Variants in PFKP observed in about 807,000 individuals in gnomAD.
PFKP encodes ATP-dependent 6-phosphofructokinase, platelet type.
Under a neutral mutation model 94.3 loss-of-function variants are expected in PFKP, and 101 were observed. That is an observed-to-expected ratio of 1.07 (90% CI 0.91 to 1.26). The LOEUF (loss-of-function observed/expected upper bound fraction) is 1.26. PFKP is among the 50% of genes most tolerant of loss of function. The probability of loss-of-function intolerance (pLI) is 0.00; values close to 1 mark genes in which losing one functional copy is unlikely to be tolerated. For synonymous variants in PFKP, 573 were observed against 432.6 expected, an observed-to-expected ratio of 1.32 and a Z score of -4.03; for missense variants, 1,145 against 1,103.3, an observed-to-expected ratio of 1.04 and a Z score of -0.53.
chr10:3,087,512 ATGTGGCCAAAATAAATCCT>A (rs1481783886), intron 2 of PFKP, among the ~76,000 whole-genome samples: 1 of 152,148 alleles, frequency 6.6e-6, no homozygotes, highest in Non-Finnish European at 1.5e-5. Flanking sequence ...TTCTGCTGAG[ATGTGGCCAAAATAAATCCT>A]TGTGTGCAAA....
chr10:3,122,988 C>T (rs929282737), intron 16 of PFKP, among the ~76,000 whole-genome samples: 6 of 152,276 alleles, frequency 3.9e-5, no homozygotes, highest in Non-Finnish European at 7.4e-5. Context: ...AAGCCCTGGG[C>T]GGGGCTGATG....
At chr10:3,091,146 G>A (rs1480240677) in intron 2 of PFKP, among the ~76,000 whole-genome samples, 1 of 152,180 alleles carries the variant, frequency 6.6e-6, no homozygotes, top group East Asian at 1.9e-4. Context: ...ATTCCAGGGA[G>A]ACTCGGGGAG....
chr10:3,110,423 A>G (rs1836074195), intron 10 of PFKP, among the ~76,000 whole-genome samples: 1 of 118,396 alleles, frequency 8.4e-6, no homozygotes, highest in Non-Finnish European at 1.6e-5. Flanking sequence ...TCACCGTGTT[A>G]GCCAGGATGG....
Position 3,133,748 on chromosome 10 carries a change from A to C in PFKP, c.2022+434A>C, listed in dbSNP as rs1451838992. 2.6e-5 allele frequency among the ~76,000 whole-genome samples: 4 copies of C among 152,328 alleles called. No individual in the cohort carries two copies. In the East Asian group the frequency reaches 7.7e-4, roughly 29 times the overall value. On this transcript the variant is annotated intron_variant, in intron 19 of 21. Coordinates refer to ENST00000381125, the MANE Select transcript of PFKP (RefSeq NM_002627.5). ...GCCCAGCCAAAACATCTGAACTTTT[A>C]AGTGATGCCAAACATCACCAGCTTT...
chr10:3,083,125 C>CT (rs1833218883), intron 2 of PFKP, among the ~76,000 whole-genome samples: 1 of 152,232 alleles, frequency 6.6e-6, no homozygotes, highest in Admixed American at 6.5e-5. Context: ...GAGGCTCTTA[C>CT]TGCTGTAGAA....
intron 10 of PFKP, 23 bp from the exon 11 acceptor site, chr10:3,112,199 T>G: frequency 6.2e-7 from 1 of 1,603,042 alleles, no homozygotes; most frequent in Non-Finnish European, 8.5e-7. Flanking sequence ...CATTCTTTCT[T>G]CTTTTCATCA....
intron 10 of PFKP, among the ~76,000 whole-genome samples, chr10:3,111,477 G>A (rs1462745716): frequency 1.1e-4 from 16 of 152,086 alleles, no homozygotes; most frequent in African/African-American, 2.7e-4. Context: ...AGAGACGACC[G>A]TGGTAGGTGT....
chr10:3,073,501 C>T (rs1380993417), intron 1 of PFKP, among the ~76,000 whole-genome samples: 4 of 151,764 alleles, frequency 2.6e-5, no homozygotes, highest in Non-Finnish European at 4.4e-5. Flanking sequence ...GGGAGGGCAC[C>T]GGTGCTGCTG....
intron 17 of PFKP, among the ~76,000 whole-genome samples, chr10:3,130,228 CAT>C (rs200075366): frequency 0.014 from 2,040 of 148,462 alleles, 19 homozygotes; most frequent in Middle Eastern, 0.025. Flanking sequence ...GTTTGTTTGA[CAT>C]AGTCTGTTGT....
At chr10:3,099,139 C>A in intron 2 of PFKP, 136 bp from the exon 3 acceptor site, 1 of 695,632 alleles carries the variant, frequency 1.4e-6, no homozygotes, top group Non-Finnish European at 2.6e-6. Flanking sequence ...AGTGCTGGAA[C>A]TGCCCTGTCT....
At chr10:3,128,183 C>T (rs548815746) in intron 16 of PFKP, among the ~76,000 whole-genome samples, 16 of 152,294 alleles carry the variant, frequency 1.1e-4, no homozygotes, top group African/African-American at 3.6e-4. Flanking sequence ...GGGGCTCGGC[C>T]GGGTGCTGCT....
chr10:3,126,883 G>A (rs943745786), intron 16 of PFKP, among the ~76,000 whole-genome samples: 1 of 152,238 alleles, frequency 6.6e-6, no homozygotes, highest in South Asian at 2.1e-4. Flanking sequence ...TCTGCTGGGG[G>A]CACATCCCAT....
chr10:3,106,066 T>G (rs12776036), intron 7 of PFKP, among the ~76,000 whole-genome samples: 31,755 of 123,286 alleles, frequency 0.26, 6,690 homozygotes, highest in East Asian at 0.47. Context: ...CTCACGCCGT[T>G]TTCTCTCTCC....
intron 2 of PFKP, among the ~76,000 whole-genome samples, 160 bp from the exon 3 acceptor site, chr10:3,099,115 C>A (rs1834747612): frequency 6.6e-6 from 1 of 152,224 alleles, no homozygotes; most frequent in Admixed American, 6.5e-5. Flanking sequence ...TCCCACAATT[C>A]ACTGCTTTTA....
In PFKP at chr10:3,116,840, C is replaced by T; in HGVS notation, c.1436C>T (p.Thr479Ile). The change falls in exon 14 of 22, where the codon ACA becomes ATA. Residue 479 changes from threonine (T) to isoleucine (I), a missense_variant. Physicochemically the swap from Thr to Ile is moderately conservative, Grantham distance 89. Coordinates refer to ENST00000381125, the MANE Select transcript of PFKP (RefSeq NM_002627.5). ...WTGQGGSILG[T>I]KRVLPGKYLE... ...GGCCAAGGAGGCTCCATTCTTGGGA[C>T]AAAACGGTAACTTCCAAATCTCAAC... is the stretch of plus-strand genomic sequence containing the variant. 5 of 1,607,882 alleles carry T rather than the reference C, an allele frequency of 3.1e-6. No individual in the cohort carries two copies. The highest frequency in any genetic ancestry group is 4.3e-6 in the Non-Finnish European group (5 of 1,174,328).
intron 19 of PFKP, 26 bp downstream of exon 19, chr10:3,133,340 C>CA: frequency 7.3e-7 from 1 of 1,377,196 alleles, no homozygotes; most frequent in Non-Finnish European, 1.0e-6. Context: ...CATGAGGGGC[C>CA]ACAAAGCCCC....
At chr10:3,108,414 TTTTTTA>T (rs1564313109) in intron 8 of PFKP, among the ~76,000 whole-genome samples, 1 of 152,254 alleles carries the variant, frequency 6.6e-6, no homozygotes, top group Non-Finnish European at 1.5e-5. Flanking sequence ...GAAACGTTAC[TTTTTTA>T]TTTTTCTTTT....
At chr10:3,073,384 G>C (rs566648554) in intron 1 of PFKP, among the ~76,000 whole-genome samples, 2 of 151,934 alleles carry the variant, frequency 1.3e-5, no homozygotes, top group South Asian at 4.2e-4. Context: ...CAACCCCAGG[G>C]CCCGTGTGCT....
chr10:3,071,427 G>GTTTTTTTTTTTT (rs569603765), intron 1 of PFKP, among the ~76,000 whole-genome samples: 146 of 92,346 alleles, frequency 1.6e-3, no homozygotes, highest in Non-Finnish European at 1.8e-3. Context: ...GTCTCAGGCT[G>GTTTTTTTTTTTT]TTTTTTTTTT....
Sources: allele counts gnomAD v4.1 joint callset (sites outside exome capture counted in the v4.1 genomes callset), GRCh38; gene constraint gnomAD v4.1.1; transcripts MANE v1.5; gene names NCBI Gene and HGNC (gene_info 2026-07-23, HGNC 2026-07-21).